TGFB2: variants seen among roughly 807,000 people sequenced by gnomAD.
The protein encoded by TGFB2 is transforming growth factor beta-2 proprotein.
Under a neutral mutation model 42.7 loss-of-function variants are expected in TGFB2, and 13 were observed. The ratio of observed to expected loss-of-function variants is 0.30; its 90% CI spans 0.20 to 0.48. The LOEUF (loss-of-function observed/expected upper bound fraction) is 0.48, where lower values mean the gene tolerates loss of function less well. Among genes scored for constraint, TGFB2 ranks in the 20% least tolerant of loss-of-function variants. The probability of loss-of-function intolerance (pLI) is 0.99; values close to 1 mark genes in which losing one functional copy is unlikely to be tolerated. For synonymous variants in TGFB2, 193 were observed against 193.6 expected (o/e 1.00, Z 0.03); for missense variants, 390 against 517.5 (o/e 0.75, Z 2.39).
chr1:218,367,231 C>A (rs1002818148), intron 1 of TGFB2, among the ~76,000 whole-genome samples: 14 of 152,094 alleles, frequency 9.2e-5, no homozygotes, highest in African/African-American at 3.4e-4. Flanking sequence ...AGCATTTGGC[C>A]AAAGCGCTGC....
chr1:218,414,611 G>A (rs1393533490), intron 2 of TGFB2, among the ~76,000 whole-genome samples: 4 of 152,068 alleles, frequency 2.6e-5, no homozygotes, highest in Non-Finnish European at 4.4e-5. Context: ...AAGGAAACTG[G>A]ATTGTTACCA....
chr1:218,418,393 T>C (rs1003951405), intron 2 of TGFB2, among the ~76,000 whole-genome samples: 2 of 152,262 alleles, frequency 1.3e-5, no homozygotes, highest in African/African-American at 4.8e-5. Flanking sequence ...CCATTTGGAA[T>C]GACTATATTT....
chr1:218,416,878 C>T (rs542292338), intron 2 of TGFB2, among the ~76,000 whole-genome samples: 18 of 152,174 alleles, frequency 1.2e-4, no homozygotes, highest in Non-Finnish European at 2.5e-4. Context: ...GGTGGTCCCC[C>T]GCACAAGCTC....
At chr1:218,411,281 T>C (rs1177821299) in intron 2 of TGFB2, among the ~76,000 whole-genome samples, 1 of 152,190 alleles carries the variant, frequency 6.6e-6, no homozygotes, top group Admixed American at 6.5e-5. Flanking sequence ...CACAAGTTTT[T>C]GTGGGTCAGA....
intron 2 of TGFB2, among the ~76,000 whole-genome samples, chr1:218,411,010 C>A (rs977027748): frequency 4.6e-5 from 7 of 151,720 alleles, no homozygotes; most frequent in African/African-American, 1.7e-4. Flanking sequence ...CTAAGGGTAC[C>A]CATAACTTCA....
intron 1 of TGFB2, among the ~76,000 whole-genome samples, chr1:218,350,111 A>G (rs1403397280): frequency 6.6e-6 from 1 of 152,246 alleles, no homozygotes; most frequent in African/African-American, 2.4e-5. Flanking sequence ...GGTTTTAGAA[A>G]CTTAGAAAGG....
At chr1:218,441,105 G>C in intron 6 of TGFB2, 99 bp from the exon 7 acceptor site, 1 of 1,183,156 alleles carries the variant, frequency 8.5e-7, no homozygotes. Flanking sequence ...TGCCTACTCA[G>C]TGCTGTGACT....
chr1:218,435,984 T>C lies in TGFB2; in HGVS notation c.769T>C (p.Ser257Pro). 1 of 1,609,544 alleles carries C rather than the reference T, an allele frequency of 6.2e-7. No individual in the cohort carries two copies. The highest frequency in any genetic ancestry group is 8.5e-7 in the Non-Finnish European group (1 of 1,178,640). Residue 257 changes from serine to proline, a missense_variant, in exon 5 of 7, where the codon TCC (serine) becomes CCC (proline). By Grantham distance (74) the Ser-to-Pro change is moderately conservative. Coordinates refer to ENST00000366930, the MANE Select transcript of TGFB2 (RefSeq NM_003238.6). ...EARFAGIDGTSTYTSGDQKTI... is the reference protein window; with the variant it reads ...EARFAGIDGTPTYTSGDQKTI... ...ATTTTTTCAAGGTATTGATGGCACCTCCACATATACCAGTGGTGATCAGAA... is the reference window on the plus strand; with the variant it reads ...ATTTTTTCAAGGTATTGATGGCACCCCCACATATACCAGTGGTGATCAGAA...
intron 2 of TGFB2, among the ~76,000 whole-genome samples, chr1:218,431,278 AG>A (rs1429521282): frequency 1.3e-5 from 2 of 152,216 alleles, no homozygotes; most frequent in African/African-American, 4.8e-5. Context: ...CTCTTATCGT[AG>A]TTCTCCTAGT....
At chr1:218,357,780 C>G (rs913588887) in intron 1 of TGFB2, among the ~76,000 whole-genome samples, 1 of 152,212 alleles carries the variant, frequency 6.6e-6, no homozygotes, top group African/African-American at 2.4e-5. Context: ...CCCCGTCCCT[C>G]AGGCCTTCCA....
At chr1:218,363,323 A>G in intron 1 of TGFB2, 1 of 1,613,290 alleles carries the variant, frequency 6.2e-7, no homozygotes. Flanking sequence ...TGTGCTTTTT[A>G]AAACTCCTAG....
intron 1 of TGFB2, among the ~76,000 whole-genome samples, chr1:218,371,528 C>G (rs1395112351): frequency 1.1e-4 from 17 of 152,150 alleles, no homozygotes; most frequent in Non-Finnish European, 5.9e-5. Flanking sequence ...ATGAGTTTAT[C>G]TATTTTAAAA....
intron 1 of TGFB2, among the ~76,000 whole-genome samples, chr1:218,353,025 TTC>T (rs1171669357): frequency 6.6e-6 from 1 of 152,238 alleles, no homozygotes; most frequent in Non-Finnish European, 1.5e-5. Flanking sequence ...CTGGCAGCAA[TTC>T]TCTGAGTCTC....
At chr1:218,352,296 A>G (rs558592165) in intron 1 of TGFB2, among the ~76,000 whole-genome samples, 1 of 152,116 alleles carries the variant, frequency 6.6e-6, no homozygotes, top group South Asian at 2.1e-4. Flanking sequence ...TGCTTGCTCT[A>G]TTTAGGCAGC....
intron 2 of TGFB2, 199 bp downstream of exon 2, chr1:218,405,531 T>A (rs1330030904): frequency 1.1e-6 from 1 of 938,020 alleles, no homozygotes; most frequent in Non-Finnish European, 1.6e-6. Flanking sequence ...CACCCGATTA[T>A]CTTTTTAAAA....
At chr1:218,358,874 A>C (rs1657122564) in intron 1 of TGFB2, among the ~76,000 whole-genome samples, 1 of 152,128 alleles carries the variant, frequency 6.6e-6, no homozygotes, top group African/African-American at 2.4e-5. Flanking sequence ...CTGGCTTAGA[A>C]ACTCCAGAAA....
intron 2 of TGFB2, among the ~76,000 whole-genome samples, chr1:218,421,486 G>C (rs1277005469): frequency 6.6e-6 from 1 of 151,876 alleles, no homozygotes; most frequent in Admixed American, 6.6e-5. Flanking sequence ...ATACCAAGCA[G>C]GGATTGGGTA....
intron 2 of TGFB2, among the ~76,000 whole-genome samples, chr1:218,427,564 T>C (rs960657067): frequency 6.6e-5 from 10 of 152,218 alleles, no homozygotes; most frequent in African/African-American, 2.4e-4. Context: ...AATTCCCACC[T>C]ATGAGTGAGA....
chr1:218,384,566 A>C (rs1658068437), intron 1 of TGFB2, among the ~76,000 whole-genome samples: 1 of 152,228 alleles, frequency 6.6e-6, no homozygotes, highest in South Asian at 2.1e-4. Flanking sequence ...AAATGAAAAC[A>C]GTATCTACCT....
Sources: gnomAD v4.1 joint callset for allele counts (sites outside exome capture counted in the v4.1 genomes callset) on GRCh38, gnomAD v4.1.1 for gene constraint, MANE v1.5 for transcripts, NCBI Gene and HGNC (gene_info 2026-07-23, HGNC 2026-07-21) for gene names.